The following EIF4G3 variants were observed in gnomAD, a reference collection of about 807,000 sequenced individuals.
EIF4G3 encodes eIF-4-gamma 3.
EIF4G3 carries 34 observed loss-of-function variants against 186.4 expected under a neutral mutation model. The observed-to-expected ratio is 0.18, with a 90% confidence interval of 0.14 to 0.24. The LOEUF (loss-of-function observed/expected upper bound fraction) is 0.24, where lower values mean the gene tolerates loss of function less well. Among genes scored for constraint, EIF4G3 ranks in the 10% least tolerant of loss-of-function variants. The pLI, the probability that EIF4G3 is intolerant of heterozygous loss-of-function variation, is 1.00. For missense variants in EIF4G3, 1,536 were observed against 1,948.5 expected, an observed-to-expected ratio of 0.79 and a Z score of 3.99; for synonymous variants, 673 against 679.5, an observed-to-expected ratio of 0.99 and a Z score of 0.15.
At chr1:21,087,638 AT>A (rs758934486) in intron 3 of EIF4G3, among the ~76,000 whole-genome samples, 1,029 of 96,050 alleles carry the variant, frequency 0.011, 8 homozygotes, top group South Asian at 0.046. Context: ...ACCAAAAAAA[AT>A]TTTTTTTTTT....
chr1:20,854,710 T>TAC (rs1197136774), intron 26 of EIF4G3, among the ~76,000 whole-genome samples: 1 of 146,762 alleles, frequency 6.8e-6, no homozygotes, highest in South Asian at 2.1e-4. Flanking sequence ...ATCTCAAAAA[T>TAC]ATATAAATAA....
chr1:21,048,917 T>C (rs1262117812), intron 4 of EIF4G3, among the ~76,000 whole-genome samples: 1 of 152,140 alleles, frequency 6.6e-6, no homozygotes, highest in Non-Finnish European at 1.5e-5. Flanking sequence ...ATATACTACA[T>C]CTGAATGTGC....
intron 4 of EIF4G3, among the ~76,000 whole-genome samples, chr1:21,022,377 G>A (rs1019937260): frequency 1.3e-5 from 2 of 152,306 alleles, no homozygotes; most frequent in East Asian, 1.9e-4. Flanking sequence ...CATTATGTCT[G>A]CCTGTGTAAT....
intron 20 of EIF4G3, among the ~76,000 whole-genome samples, chr1:20,874,303 A>G (rs1320342225): frequency 2.0e-5 from 3 of 152,168 alleles, no homozygotes; most frequent in Non-Finnish European, 4.4e-5. Context: ...AACAGTGTAA[A>G]AGCATTCTGT....
intron 2 of EIF4G3, chr1:21,111,739 G>C (rs2096731211): frequency 6.3e-6 from 1 of 159,266 alleles, no homozygotes. Flanking sequence ...ATTGACTTTT[G>C]CTACTTTGCA....
intron 18 of EIF4G3, 28 bp downstream of exon 18, chr1:20,893,489 A>G: frequency 6.4e-7 from 1 of 1,570,998 alleles, no homozygotes; most frequent in South Asian, 1.1e-5. Context: ...GTGTCTAACT[A>G]AGTGAGTTGT....
At chr1:21,072,181 G>A (rs957477734) in intron 3 of EIF4G3, among the ~76,000 whole-genome samples, 1 of 151,954 alleles carries the variant, frequency 6.6e-6, no homozygotes, top group African/African-American at 2.4e-5. Flanking sequence ...TAATAAAGTT[G>A]GACATTCCAA....
chr1:21,112,271 G>C (rs535519673), intron 2 of EIF4G3, among the ~76,000 whole-genome samples: 5 of 152,196 alleles, frequency 3.3e-5, no homozygotes, highest in Non-Finnish European at 7.4e-5. Flanking sequence ...CTCACTACCT[G>C]TATTTGTAAA....
intron 14 of EIF4G3, among the ~76,000 whole-genome samples, chr1:20,926,628 C>G (rs1426541400): frequency 6.7e-6 from 1 of 150,126 alleles, no homozygotes; most frequent in Non-Finnish European, 1.5e-5. Context: ...GTTTATGCCA[C>G]TGCACTCTAG....
chr1:20,924,939 A>G (rs1452528952), intron 14 of EIF4G3, among the ~76,000 whole-genome samples: 1 of 152,256 alleles, frequency 6.6e-6, no homozygotes, highest in Non-Finnish European at 1.5e-5. Context: ...GGCTTTAATT[A>G]TGACAAAAGT....
At chr1:21,174,641 T>C (rs1416602374) in intron 2 of EIF4G3, 2 of 152,182 alleles carry the variant, frequency 1.3e-5, no homozygotes, top group East Asian at 3.8e-4. Context: ...GATTCAACAC[T>C]GAACTCTGCC....
intron 10 of EIF4G3, among the ~76,000 whole-genome samples, chr1:20,974,649 T>C (rs566351312): frequency 3.9e-4 from 59 of 152,252 alleles, no homozygotes; most frequent in African/African-American, 1.3e-3. Context: ...AATTGAGCTA[T>C]AGCTGGACAA....
chr1:21,109,149 CAG>C (rs1339100227), intron 2 of EIF4G3, among the ~76,000 whole-genome samples: 1 of 152,114 alleles, frequency 6.6e-6, no homozygotes, highest in Non-Finnish European at 1.5e-5. Flanking sequence ...ACCTGGCAGA[CAG>C]AGGTTGCAGT....
Position 20,935,032 on chromosome 1 carries a change from C to T in EIF4G3, c.1663+6459G>A, listed in dbSNP as rs148158846. On this transcript the variant is annotated intron_variant, in intron 14 of 36. Transcript: ENST00000602326. ...CAAGTGCATGGAACAATGACTGACA[C>T]GCAGTAGGCCTTCAGTAACTACTGT... 5.5e-3 allele frequency among the ~76,000 whole-genome samples: 836 copies of T among 152,284 alleles called. 5 individuals carry two copies. The highest frequency in any genetic ancestry group is 0.014 in the South Asian group (68 of 4,824).
chr1:20,822,151 T>C (rs1450063648), intron 33 of EIF4G3, among the ~76,000 whole-genome samples: 1 of 152,142 alleles, frequency 6.6e-6, no homozygotes, highest in African/African-American at 2.4e-5. Flanking sequence ...GCTGGAATTA[T>C]AGGCATGAGC....
chr1:20,902,089 G>A lies in EIF4G3; in HGVS notation c.1753-2146C>T, dbSNP rs918281363. 2.1e-4 allele frequency among the ~76,000 whole-genome samples: 31 copies of A among 150,142 alleles called. 1 individual carries two copies. Among genetic ancestry groups the A allele is most frequent in the Admixed American group, 2.0e-3 (30 of 15,128 alleles). On this transcript the variant is annotated intron_variant, in intron 15 of 36. Coordinates refer to ENST00000602326, the MANE Select transcript of EIF4G3 (RefSeq NM_001391906.1). ...TAATTTTTTTTTTTTTTTTGAGACG[G>A]AGTCTTGCTCTGTCACCCAGGCTGG...
At chr1:21,167,478 G>A (rs555341276) in intron 2 of EIF4G3, among the ~76,000 whole-genome samples, 1 of 152,202 alleles carries the variant, frequency 6.6e-6, no homozygotes, top group East Asian at 1.9e-4. Flanking sequence ...AGACCAGCCT[G>A]GCCAATATAT....
At chr1:20,907,314 AACT>A (rs2092370477) in intron 14 of EIF4G3, among the ~76,000 whole-genome samples, 1 of 152,190 alleles carries the variant, frequency 6.6e-6, no homozygotes, top group Non-Finnish European at 1.5e-5. Flanking sequence ...ATTTAATTTC[AACT>A]ACATTAAAAT....
intron 11 of EIF4G3, 117 bp downstream of exon 11, chr1:20,972,885 A>AT: frequency 4.6e-6 from 1 of 218,182 alleles, no homozygotes; most frequent in Non-Finnish European, 8.1e-6. Context: ...AGGGAAGAAT[A>AT]AAAAAAAAAA....
Sources: allele counts gnomAD v4.1 joint callset (sites outside exome capture counted in the v4.1 genomes callset), GRCh38; gene constraint gnomAD v4.1.1; transcripts MANE v1.5; gene names NCBI Gene and HGNC (gene_info 2026-07-23, HGNC 2026-07-21).